KLHL22: variants seen among roughly 807,000 people sequenced by gnomAD.
KLHL22 encodes kelch like family member 22.
A neutral mutation model predicts 60.7 loss-of-function variants in KLHL22; 18 were observed. The ratio of observed to expected loss-of-function variants is 0.30; its 90% confidence interval spans 0.20 to 0.44. KLHL22 has a LOEUF of 0.44. Among genes scored for constraint, KLHL22 ranks in the 20% least tolerant of loss-of-function variants. KLHL22 has a pLI of 1.00. For synonymous variants in KLHL22, 355 were observed against 354.5 expected (o/e 1.00, Z -0.01); for missense variants, 596 against 852.3 (o/e 0.70, Z 3.74).
chr22:20,479,002 G>A (rs1370141856), intron 2 of KLHL22, among the ~76,000 whole-genome samples: 3 of 151,614 alleles, frequency 2.0e-5, no homozygotes, highest in East Asian at 2.0e-4. Context: ...GGTGGCAGGC[G>A]CCTGTAATTC....
chr22:20,484,283 G>C (rs1047794829), intron 2 of KLHL22, among the ~76,000 whole-genome samples: 3 of 151,982 alleles, frequency 2.0e-5, no homozygotes, highest in Non-Finnish European at 4.4e-5. Flanking sequence ...ATGAGCCACC[G>C]TGCCCAGCTT....
intron 5 of KLHL22, chr22:20,456,327 G>C (rs1311994358): frequency 6.6e-6 from 1 of 152,202 alleles, no homozygotes; most frequent in Non-Finnish European, 1.5e-5. Context: ...TGTCACCACT[G>C]GATTCCCAGG....
chr22:20,446,512 G>T lies in KLHL22; in HGVS notation c.1470C>A (p.Thr490=). The T allele has an allele frequency of 6.2e-7, 1 of 1,613,388 alleles. No individual in the cohort carries two copies. Among genetic ancestry groups the T allele is most frequent in the Admixed American group, 1.7e-5 (1 of 60,030 alleles). The change falls in exon 6 of 7, where the codon ACC becomes ACA. Residue 490 remains threonine, a synonymous_variant. Transcript: ENST00000328879. The stretch of plus-strand genomic sequence containing the variant: ...CGATCACATACAGCTTGTTGAGGAG[G>T]GTTGCCATGCCGTGCCAGGCGCGCC... ...PVRRAWHGMA[T]LLNKLYVIGG...
At chr22:20,489,412 C>T (rs1416046560) in intron 1 of KLHL22, among the ~76,000 whole-genome samples, 168 bp from the exon 2 acceptor site, 1 of 152,208 alleles carries the variant, frequency 6.6e-6, no homozygotes, top group Non-Finnish European at 1.5e-5. Flanking sequence ...CACCTCTAGT[C>T]CAACTTCCTG....
At chr22:20,488,710 AAAGAG>A (rs1481172307) in intron 2 of KLHL22, 3 of 524,712 alleles carry the variant, frequency 5.7e-6, no homozygotes, top group Non-Finnish European at 1.0e-5. Flanking sequence ...GGAGGAAAGA[AAAGAG>A]AAAAGAAAAG....
intron 2 of KLHL22, among the ~76,000 whole-genome samples, chr22:20,479,065 G>T (rs922669598): frequency 6.6e-6 from 1 of 151,186 alleles, no homozygotes; most frequent in Non-Finnish European, 1.5e-5. Flanking sequence ...GGAGGTGGAG[G>T]TTGCAGTGAG....
At chr22:20,444,074 A>T (rs2052815349) in intron 6 of KLHL22, among the ~76,000 whole-genome samples, 2 of 150,312 alleles carry the variant, frequency 1.3e-5, no homozygotes, top group African/African-American at 2.4e-5. Flanking sequence ...AAAGAAAAAA[A>T]GGAAGGGTAA....
At chr22:20,450,139 C>A in intron 5 of KLHL22, 1 of 791,610 alleles carries the variant, frequency 1.3e-6, no homozygotes, top group South Asian at 1.3e-5. Context: ...GCATTATGGC[C>A]CCCAAAGACA....
At chr22:20,468,555 A>G (rs2053268009) in intron 3 of KLHL22, among the ~76,000 whole-genome samples, 1 of 152,238 alleles carries the variant, frequency 6.6e-6, no homozygotes, top group Non-Finnish European at 1.5e-5. Context: ...ACATGGGGGA[A>G]GCCTCCAAAA....
intron 5 of KLHL22, among the ~76,000 whole-genome samples, chr22:20,455,381 C>T (rs1307219084): frequency 6.6e-6 from 1 of 152,236 alleles, no homozygotes; most frequent in Non-Finnish European, 1.5e-5. Flanking sequence ...GATCCTTGGG[C>T]TTCCTTCTTC....
intron 6 of KLHL22, 100 bp from the exon 7 acceptor site, chr22:20,442,538 T>A (rs1324551730): frequency 1.1e-5 from 16 of 1,400,814 alleles, no homozygotes; most frequent in African/African-American, 1.4e-5. Flanking sequence ...TTACCCACCA[T>A]TCTGACAGGT....
chr22:20,455,954 C>G (rs910538848), intron 5 of KLHL22, among the ~76,000 whole-genome samples: 1 of 152,218 alleles, frequency 6.6e-6, no homozygotes, highest in Non-Finnish European at 1.5e-5. Flanking sequence ...GCAGCCTGCT[C>G]TGACTCGGCC....
intron 5 of KLHL22, 94 bp downstream of exon 5, chr22:20,457,714 T>C (rs1266531241): frequency 1.1e-6 from 1 of 950,896 alleles, no homozygotes; most frequent in South Asian, 1.6e-5. Context: ...TTCTCTGACC[T>C]GGGACAGGCC....
intron 1 of KLHL22, among the ~76,000 whole-genome samples, chr22:20,492,355 G>A (rs1267126468): frequency 6.6e-6 from 1 of 151,910 alleles, no homozygotes; most frequent in Non-Finnish European, 1.5e-5. Context: ...GCCCCTACCA[G>A]TTTCCCTACC....
chr22:20,448,589 G>A (rs1026907984), intron 5 of KLHL22, among the ~76,000 whole-genome samples: 1 of 152,130 alleles, frequency 6.6e-6, no homozygotes, highest in Non-Finnish European at 1.5e-5. Context: ...TTTTGAGACA[G>A]GGTCTTGGTC....
intron 1 of KLHL22, among the ~76,000 whole-genome samples, chr22:20,494,209 A>G (rs888086952): frequency 2.6e-4 from 39 of 152,082 alleles, no homozygotes; most frequent in Non-Finnish European, 1.8e-4. Flanking sequence ...TTTCTCTACA[A>G]AAAATTTAAA....
intron 2 of KLHL22, among the ~76,000 whole-genome samples, chr22:20,488,337 G>A (rs933866974): frequency 6.6e-6 from 1 of 152,198 alleles, no homozygotes; most frequent in African/African-American, 2.4e-5. Flanking sequence ...CCACCTCCTT[G>A]AGTGCAGAGC....
In KLHL22 at chr22:20,465,253, C is replaced by T. The variant is rs149268643; in HGVS notation, c.717G>A (p.Lys239=). The change falls in exon 4 of 7, where the codon AAG becomes AAA. Residue 239 remains lysine, a synonymous_variant. Transcript: ENST00000328879. The surrounding 1 kb of genome is among the most constrained non-coding windows in gnomAD (Gnocchi z 4.9). ...ADQISLHEPP[K]LLETVRFPLM... ...GCGGAAACCGCACTGTCTCAAGGAG[C>T]TTTGGGGGCTCGTGCAGCGAGATCT... 134 of 1,613,868 alleles carry T rather than the reference C, an allele frequency of 8.3e-5. No individual in the cohort carries two copies. In the African/African-American group the frequency reaches 1.6e-3, roughly 20 times the overall value.
intron 1 of KLHL22, among the ~76,000 whole-genome samples, chr22:20,494,124 T>C (rs1489267452): frequency 2.0e-5 from 3 of 146,894 alleles, no homozygotes; most frequent in Non-Finnish European, 4.5e-5. Context: ...TGGTGGCTCA[T>C]GCCTGTAATC....
Sources: gnomAD v4.1 joint callset for allele counts (sites outside exome capture counted in the v4.1 genomes callset) on GRCh38, gnomAD v4.1.1 for gene constraint, Gnocchi (gnomAD v3.1) non-coding constraint, MANE v1.5 for transcripts, NCBI Gene and HGNC (gene_info 2026-07-23, HGNC 2026-07-21) for gene names.